Variants in CLRN2 observed in about 807,000 individuals in gnomAD.
The protein encoded by CLRN2 is clarin-2.
Under a neutral mutation model 20.1 loss-of-function variants are expected in CLRN2, and 17 were observed. That is an observed-to-expected ratio of 0.85 (90% confidence interval 0.58 to 1.27). The LOEUF (loss-of-function observed/expected upper bound fraction) is 1.27, where lower values mean the gene tolerates loss of function less well. Among genes scored for constraint, CLRN2 ranks in the 50% most tolerant of loss-of-function variants. The pLI is 0.00. For synonymous variants in CLRN2, 140 were observed against 126.9 expected (o/e 1.10, Z -0.70); for missense variants, 288 against 299.5 (o/e 0.96, Z 0.28).
At chr4:17,517,445 G>A (rs906595425) in intron 1 of CLRN2, among the ~76,000 whole-genome samples, 1 of 152,170 alleles carries the variant, frequency 6.6e-6, no homozygotes, top group Non-Finnish European at 1.5e-5. Context: ...CTTGAATGGG[G>A]TGAGAAGATT....
At chr4:17,521,534 T>C (rs1711837361) in intron 1 of CLRN2, among the ~76,000 whole-genome samples, 2 of 152,214 alleles carry the variant, frequency 1.3e-5, no homozygotes, top group Non-Finnish European at 2.9e-5. Context: ...AGATCATGAC[T>C]TGACACTGTT....
intron 1 of CLRN2, among the ~76,000 whole-genome samples, chr4:17,519,776 A>G (rs1233508282): frequency 2.0e-5 from 3 of 152,234 alleles, no homozygotes; most frequent in Non-Finnish European, 4.4e-5. Context: ...ACTGGGTGTC[A>G]GGCTAAGGCA....
intron 2 of CLRN2, 63 bp from the exon 3 acceptor site, chr4:17,526,754 A>C: frequency 1.3e-6 from 2 of 1,587,318 alleles, no homozygotes; most frequent in Non-Finnish European, 1.7e-6. Flanking sequence ...TGGCACAGAA[A>C]TGCCACCTCT....
chr4:17,525,533 C>T (rs1711952079), intron 2 of CLRN2, among the ~76,000 whole-genome samples: 1 of 152,028 alleles, frequency 6.6e-6, no homozygotes, highest in Admixed American at 6.6e-5. Flanking sequence ...ACCCATGATC[C>T]CAGCTACTCA....
intron 2 of CLRN2, among the ~76,000 whole-genome samples, chr4:17,525,831 G>A (rs1478928776): frequency 2.0e-5 from 3 of 152,160 alleles, no homozygotes; most frequent in Non-Finnish European, 4.4e-5. Flanking sequence ...AAGGGTTCAA[G>A]CTGGCTTTTA....
At chr4:17,516,401 C>T (rs1711674991) in intron 1 of CLRN2, among the ~76,000 whole-genome samples, 1 of 152,166 alleles carries the variant, frequency 6.6e-6, no homozygotes, top group Non-Finnish European at 1.5e-5. Flanking sequence ...AGTGTCTGCA[C>T]AAAACCGTAA....
At position 17,526,810 on chromosome 4, in the gene CLRN2, G is replaced by A; in HGVS notation, c.434-7G>A. On this transcript the variant is annotated splice_polypyrimidine_tract_variant and splice_region_variant and intron_variant, in intron 2 of 2. Coordinates refer to ENST00000511148, the MANE Select transcript of CLRN2 (RefSeq NM_001079827.2). ...CCGTGAATGAGGGTGACCTTTTTGA[G>A]TTTCAGGCGGCGTCGTGGCGTTAGC... 6.2e-7 allele frequency: 1 copy of A among 1,613,694 alleles called. No individual in the cohort carries two copies. The highest frequency in any genetic ancestry group is 8.5e-7 in the Non-Finnish European group (1 of 1,179,608).
At position 17,526,902 on chromosome 4, in the gene CLRN2, G is replaced by A. The variant is rs756623999; in HGVS notation, c.519G>A (p.Glu173=). The A allele has an allele frequency of 6.2e-7, 1 of 1,614,034 alleles. No individual in the cohort carries two copies. The highest frequency in any genetic ancestry group is 1.7e-5 in the Admixed American group (1 of 60,026). Residue 173 remains glutamate, a synonymous_variant, in exon 3 of 3, where the codon GAG becomes GAA. Transcript: ENST00000511148. ...CGGAACGAATCGCCAACTTTCAGGAGAAGCTCTTCCAGTTTGTGGTGGTGG... is the reference window on the plus strand; with the variant it reads ...CGGAACGAATCGCCAACTTTCAGGAAAAGCTCTTCCAGTTTGTGGTGGTGG... The part of the protein sequence containing the change: ...DLTERIANFQ[E]KLFQFVVVEE...
Position 17,515,263 on chromosome 4 carries a change from T to C in CLRN2, c.-4T>C. On this transcript the variant is annotated 5_prime_UTR_variant, in exon 1 of 3. An upstream open reading frame in the 5' UTR loses its in-frame stop. Coordinates refer to ENST00000511148, the MANE Select transcript of CLRN2 (RefSeq NM_001079827.2). ...GACCTTGGGGATGACCTGCACCCAC[T>C]AGCATGCCTGGATGGTTCAAAAAGG... 2 of 1,613,328 alleles carry C rather than the reference T, an allele frequency of 1.2e-6. No individual in the cohort carries two copies. The highest frequency in any genetic ancestry group is 1.7e-6 in the Non-Finnish European group (2 of 1,179,718).
chr4:17,518,632 G>A (rs942958077), intron 1 of CLRN2, among the ~76,000 whole-genome samples: 2 of 152,104 alleles, frequency 1.3e-5, no homozygotes, highest in Non-Finnish European at 2.9e-5. Flanking sequence ...GTGGTGGCAG[G>A]TGCCTGTAAT....
intron 1 of CLRN2, among the ~76,000 whole-genome samples, chr4:17,515,918 T>G (rs562111789): frequency 6.6e-6 from 1 of 152,282 alleles, no homozygotes; most frequent in Admixed American, 6.5e-5. Flanking sequence ...ACACTGAGGC[T>G]TGGAGAGGTT....
chr4:17,520,475 A>G (rs1457787257), intron 1 of CLRN2, among the ~76,000 whole-genome samples: 1 of 152,212 alleles, frequency 6.6e-6, no homozygotes, highest in African/African-American at 2.4e-5. Flanking sequence ...CTTCTGGAAA[A>G]TAAATTCCTA....
chr4:17,522,409 T>C (rs755225915), intron 1 of CLRN2, among the ~76,000 whole-genome samples: 4 of 152,244 alleles, frequency 2.6e-5, no homozygotes, highest in Non-Finnish European at 5.9e-5. Flanking sequence ...CTGGCAAACA[T>C]AGAGAAAACA....
chr4:17,526,776 A>T lies in CLRN2; in HGVS notation c.434-41A>T, dbSNP rs1321718581. On this transcript the variant is annotated intron_variant, in intron 2 of 2. Transcript: ENST00000511148. ...GAAATGCCACCTCTTACAGAGTTGC[A>T]AAAAGGAGCCGTGAATGAGGGTGAC... 4 of 1,608,056 alleles carry T rather than the reference A, an allele frequency of 2.5e-6. No individual in the cohort carries two copies. The Admixed American group carries it at 6.7e-5, about 27-fold the overall frequency.
chr4:17,522,851 C>A lies in CLRN2; in HGVS notation c.254-13C>A. On this transcript the variant is annotated splice_polypyrimidine_tract_variant and intron_variant, in intron 1 of 2. Transcript: ENST00000511148. ...TCTGACATTGAAATAGTGGCTGTGT[C>A]TTGTCTCCCCAGTCTTCCCACACCT... 3.7e-6 allele frequency: 6 copies of A among 1,609,868 alleles called. No homozygotes were observed. The highest frequency in any genetic ancestry group is 5.1e-6 in the Non-Finnish European group (6 of 1,177,066).
intron 1 of CLRN2, among the ~76,000 whole-genome samples, 196 bp from the exon 2 acceptor site, chr4:17,522,668 C>A (rs564352704): frequency 6.6e-6 from 1 of 152,302 alleles, no homozygotes; most frequent in South Asian, 2.1e-4. Flanking sequence ...GGAACAGAGG[C>A]TTGTTGGTCA....
chr4:17,523,371 T>C (rs1016219665), intron 2 of CLRN2, among the ~76,000 whole-genome samples: 1 of 152,004 alleles, frequency 6.6e-6, no homozygotes, highest in Non-Finnish European at 1.5e-5. Context: ...TGCACCACCA[T>C]GCCCAGCTAA....
intron 2 of CLRN2, among the ~76,000 whole-genome samples, chr4:17,525,188 G>A (rs551809210): frequency 6.6e-6 from 1 of 152,220 alleles, no homozygotes; most frequent in South Asian, 2.1e-4. Context: ...CAAAAAATTA[G>A]AAGTAATCTA....
chr4:17,521,290 G>A (rs1205703621), intron 1 of CLRN2, among the ~76,000 whole-genome samples: 1 of 152,198 alleles, frequency 6.6e-6, no homozygotes, highest in African/African-American at 2.4e-5. Flanking sequence ...TAAACGTGGA[G>A]TGCCTGAAAA....
Sources: allele counts gnomAD v4.1 joint callset (sites outside exome capture counted in the v4.1 genomes callset), GRCh38; gene constraint gnomAD v4.1.1; transcripts MANE v1.5; gene names NCBI Gene and HGNC (gene_info 2026-07-23, HGNC 2026-07-21).